The following ARCN1 variants were observed in gnomAD, a reference collection of about 807,000 sequenced individuals.
The protein encoded by ARCN1 is coatomer subunit delta.
In ARCN1, 5 loss-of-function variants were observed where a neutral mutation model predicts 60.4. That is an observed-to-expected ratio of 0.08 (90% CI 0.04 to 0.17). The LOEUF (loss-of-function observed/expected upper bound fraction) is 0.17. Among genes scored for constraint, ARCN1 ranks in the 10% least tolerant of loss-of-function variants. The probability of loss-of-function intolerance (pLI) is 1.00; values close to 1 mark genes in which losing one functional copy is unlikely to be tolerated. For missense variants in ARCN1, 464 were observed against 626.5 expected (o/e 0.74, Z 2.77); for synonymous variants, 224 against 220.0 (o/e 1.02, Z -0.16).
In ARCN1 at chr11:118,581,452, T is replaced by C. The variant is rs1938647447; in HGVS notation, c.210T>C (p.Thr70=). ...PMEKLYMVLI[T]TKNSNILEDL... ...AGAAACTGTATATGGTACTGATCAC[T>C]ACCAAAAACAGCAACATTTTAGAAG... The change falls in exon 2 of 10, where the codon ACT becomes ACC. Residue 70 remains threonine (T), a synonymous_variant. Coordinates refer to ENST00000264028, the MANE Select transcript of ARCN1 (RefSeq NM_001655.5). The C allele has an allele frequency of 6.8e-6, 11 of 1,614,094 alleles. No individual in the cohort carries two copies. Among genetic ancestry groups the C allele is most frequent in the Non-Finnish European group, 9.3e-6 (11 of 1,180,036 alleles).
intron 9 of ARCN1, among the ~76,000 whole-genome samples, chr11:118,599,672 C>T (rs911248436): frequency 2.6e-5 from 4 of 152,142 alleles, no homozygotes; most frequent in African/African-American, 9.7e-5. Context: ...TCAGATGATC[C>T]GCCCACCTCG....
rs1938719869 is a variant in ARCN1 at position 118,583,995 on chromosome 11, G to A, written c.634G>A (p.Val212Met). Reference protein sequence around the residue: ...ETIIETDKPKVAPAPARPSGP... With the variant: ...ETIIETDKPKMAPAPARPSGP... ...CATCATTGAAACTGATAAACCAAAA[G>A]TGGCACCTGCACCAGCCAGGTATAA... The change falls in exon 4 of 10, where the codon GTG becomes ATG. Residue 212 changes from valine (V) to methionine (M), a missense_variant. Val to Met is a conservative substitution (Grantham distance 21, BLOSUM62 1). This residue lies in a region of ARCN1 where 359 missense variants were observed against 440.2 expected (regional missense o/e 0.82). Transcript: ENST00000264028. The A allele has an allele frequency of 6.2e-7, 1 of 1,614,186 alleles. No homozygotes were observed. The highest frequency in any genetic ancestry group is 8.5e-7 in the Non-Finnish European group (1 of 1,180,044).
intron 9 of ARCN1, among the ~76,000 whole-genome samples, chr11:118,598,949 A>G (rs1939090926): frequency 6.6e-6 from 1 of 151,058 alleles, no homozygotes; most frequent in Non-Finnish European, 1.5e-5. Context: ...GCCTGCCACC[A>G]TGCCTGGCTA....
intron 6 of ARCN1, among the ~76,000 whole-genome samples, chr11:118,591,168 A>T (rs1481144976): frequency 3.3e-5 from 5 of 152,248 alleles, no homozygotes; most frequent in African/African-American, 1.2e-4. Flanking sequence ...CAACTATTGG[A>T]TAGATATATA....
intron 8 of ARCN1, 63 bp from the exon 9 acceptor site, chr11:118,597,644 G>T: frequency 6.4e-7 from 1 of 1,564,648 alleles, no homozygotes; most frequent in South Asian, 1.2e-5. Context: ...ATTTGGGGTT[G>T]GTTTTCCGTG....
chr11:118,586,188 C>T (rs1043093870), intron 5 of ARCN1, among the ~76,000 whole-genome samples: 17 of 152,100 alleles, frequency 1.1e-4, no homozygotes, highest in Non-Finnish European at 2.1e-4. Flanking sequence ...CTCCACCTCC[C>T]GGGGTCAAGC....
At chr11:118,582,199 A>G (rs1327268212) in intron 2 of ARCN1, among the ~76,000 whole-genome samples, 2 of 151,940 alleles carry the variant, frequency 1.3e-5, no homozygotes, top group Non-Finnish European at 2.9e-5. Context: ...CAGTGGTGCA[A>G]TGGTGCAATC....
intron 5 of ARCN1, among the ~76,000 whole-genome samples, chr11:118,585,941 T>C (rs1240271390): frequency 6.6e-6 from 1 of 152,248 alleles, no homozygotes; most frequent in Non-Finnish European, 1.5e-5. Flanking sequence ...GTGGTAGTTA[T>C]CAAGTTCACA....
intron 1 of ARCN1, among the ~76,000 whole-genome samples, chr11:118,577,699 T>TTAAG (rs1352022861): frequency 1.6e-4 from 24 of 152,236 alleles, no homozygotes; most frequent in African/African-American, 5.5e-4. Flanking sequence ...CTTATCCCTA[T>TTAAG]TAAGCTTCTT....
chr11:118,596,544 C>G (rs929689511), intron 8 of ARCN1, among the ~76,000 whole-genome samples: 1 of 152,106 alleles, frequency 6.6e-6, no homozygotes, highest in African/African-American at 2.4e-5. Context: ...GAACCAGGAC[C>G]CTGAAATTGA....
chr11:118,601,862 A>G lies in ARCN1; in HGVS notation c.*1148A>G. On this transcript the variant is annotated 3_prime_UTR_variant, in exon 10 of 10. Transcript: ENST00000264028. ...AGTTAGGGATTTCACATCCACATGT[A>G]ATCATGTCTGCTGCTGTTGCTACCC... The G allele has an allele frequency of 1.6e-6, 1 of 613,898 alleles. No individual in the cohort carries two copies. The highest frequency in any genetic ancestry group is 2.8e-5 in the East Asian group (1 of 36,300). The allele number at this position is 613,898 out of a possible 1,614,324, so 38.0% of individuals were successfully genotyped here. A position where few individuals can be genotyped will look rare whatever the true frequency, so the allele number is the denominator to read the frequency against.
chr11:118,590,307 C>G, intron 5 of ARCN1, 34 bp from the exon 6 acceptor site: 11 of 1,588,338 alleles, frequency 6.9e-6, no homozygotes, highest in Non-Finnish European at 9.5e-6. Context: ...TGGTTTCTAC[C>G]TTTCTGAACA....
chr11:118,583,225 A>G lies in ARCN1; in HGVS notation c.314A>G (p.His105Arg), dbSNP rs1938700353. The change falls in exon 3 of 10, where the codon CAC becomes CGC. Residue 105 changes from histidine (H) to arginine (R), a missense_variant. Physicochemically the swap from His to Arg is conservative, Grantham distance 29. Coordinates refer to ENST00000264028, the MANE Select transcript of ARCN1 (RefSeq NM_001655.5). ...RALEENEISEHCFDLIFAFDE... is the reference protein window; with the variant it reads ...RALEENEISERCFDLIFAFDE... ...TTAGAAGAGAATGAAATATCTGAGCACTGTTTTGATTTGATTTTTGCTTTT... is the reference window on the plus strand; with the variant it reads ...TTAGAAGAGAATGAAATATCTGAGCGCTGTTTTGATTTGATTTTTGCTTTT... The G allele has an allele frequency of 1.9e-6, 3 of 1,614,180 alleles. No homozygotes were observed. The highest frequency in any genetic ancestry group is 2.2e-5 in the East Asian group (1 of 44,888).
rs548988543 is a variant in ARCN1, at chr11:118,601,798, C to T, written c.*1084C>T. ...AGAAGCACCTTTCAAATGGCACAGT[C>T]CCTCTTCAAGATGTCTAAAAGAATG... On this transcript the variant is annotated 3_prime_UTR_variant, in exon 10 of 10. Coordinates refer to ENST00000264028, the MANE Select transcript of ARCN1 (RefSeq NM_001655.5). The T allele has an allele frequency of 2.9e-6, 2 of 696,260 alleles. No individual in the cohort carries two copies. The highest frequency in any genetic ancestry group is 2.7e-5 in the East Asian group (1 of 37,134). 43.1% of individuals were successfully genotyped at this position (696,260 alleles called of 1,614,324 possible).
At chr11:118,575,712 A>G (rs953376199) in intron 1 of ARCN1, among the ~76,000 whole-genome samples, 1 of 152,210 alleles carries the variant, frequency 6.6e-6, no homozygotes, top group Non-Finnish European at 1.5e-5. Flanking sequence ...GAAGGTGACT[A>G]TAATTCTGGA....
At position 118,601,449 on chromosome 11, in the gene ARCN1, A is replaced by G. The variant is rs1591394688; in HGVS notation, c.*735A>G. On this transcript the variant is annotated 3_prime_UTR_variant, in exon 10 of 10. Coordinates refer to ENST00000264028, the MANE Select transcript of ARCN1 (RefSeq NM_001655.5). ...TTTTTAAAAAGTTTTCTCTGTAGAA[A>G]ATTTTAATCATTCATACCCTTTACC... The G allele has an allele frequency of 8.2e-6, 5 of 611,082 alleles. No individual in the cohort carries two copies. Among genetic ancestry groups the G allele is most frequent in the Non-Finnish European group, 1.4e-5 (5 of 346,222 alleles). 37.9% of individuals were successfully genotyped at this position (611,082 alleles called of 1,614,324 possible). A position where few individuals can be genotyped will look rare whatever the true frequency, so the allele number is the denominator to read the frequency against.
chr11:118,573,913 C>T (rs1366699290), intron 1 of ARCN1: 27 of 457,232 alleles, frequency 5.9e-5, no homozygotes, highest in Non-Finnish European at 1.0e-4. Context: ...ACTCAGTTCC[C>T]GTTTACACCC....
Position 118,600,950 on chromosome 11 carries a change from G to C in ARCN1, c.*236G>C, listed in dbSNP as rs1401443105. 1 of 284,336 alleles carries C rather than the reference G, an allele frequency of 3.5e-6. No individual in the cohort carries two copies. Among genetic ancestry groups the C allele is most frequent in the African/African-American group, 2.3e-5 (1 of 44,104 alleles). The allele number at this position is 284,336 out of a possible 1,614,324, so 17.6% of individuals were successfully genotyped here. A position where few individuals can be genotyped will look rare whatever the true frequency, so the allele number is the denominator to read the frequency against. ...AGGGAAAGGCTGCTAATTTTCTTTG[G>C]CAGATTGTATTGGCCAGCAGGAAAG... is the stretch of plus-strand genomic sequence containing the variant. On this transcript the variant is annotated 3_prime_UTR_variant, in exon 10 of 10. Coordinates refer to ENST00000264028, the MANE Select transcript of ARCN1 (RefSeq NM_001655.5).
chr11:118,576,725 T>C (rs536222065), intron 1 of ARCN1, among the ~76,000 whole-genome samples: 4 of 152,296 alleles, frequency 2.6e-5, no homozygotes, highest in Non-Finnish European at 4.4e-5. Context: ...GCCTGGAACC[T>C]GTAATTTGTG....
Sources: gnomAD v4.1 joint callset for allele counts (sites outside exome capture counted in the v4.1 genomes callset) on GRCh38, gnomAD v4.1.1 for gene constraint, gnomAD v4.1.1 regional missense constraint, MANE v1.5 for transcripts, NCBI Gene and HGNC (gene_info 2026-07-23, HGNC 2026-07-21) for gene names.